The following C1GALT1 variants were observed in gnomAD, a reference collection of about 807,000 sequenced individuals.
C1GALT1 encodes the protein core 1 synthase, glycoprotein-N-acetylgalactosamine 3-beta-galactosyltransferase 1.
C1GALT1 carries 11 observed loss-of-function variants against 31.0 expected under a neutral mutation model. That is an observed-to-expected ratio of 0.36 (90% CI 0.22 to 0.59). The LOEUF (loss-of-function observed/expected upper bound fraction) is 0.59, where lower values mean the gene tolerates loss of function less well. Among genes scored for constraint, C1GALT1 ranks in the 20% least tolerant of loss-of-function variants. The pLI is 0.79. For missense variants in C1GALT1, 424 were observed against 425.2 expected, an observed-to-expected ratio of 1.00 and a Z score of 0.03; for synonymous variants, 175 against 143.6, an observed-to-expected ratio of 1.22 and a Z score of -1.56.
chr7:7,223,968 G>T (rs553620788), intron 1 of C1GALT1, among the ~76,000 whole-genome samples: 1 of 151,938 alleles, frequency 6.6e-6, no homozygotes, highest in Non-Finnish European at 1.5e-5. Flanking sequence ...AGAGTTATTT[G>T]TCCTGAATAT....
chr7:7,205,778 AC>A (rs1427567281), intron 1 of C1GALT1, among the ~76,000 whole-genome samples: 1 of 151,904 alleles, frequency 6.6e-6, no homozygotes, highest in Non-Finnish European at 1.5e-5. Flanking sequence ...TCATGCCTTC[AC>A]TTTCACCCTG....
At chr7:7,168,870 A>G (rs998823856) in intron 2 of C1GALT1, among the ~76,000 whole-genome samples, 1 of 152,234 alleles carries the variant, frequency 6.6e-6, no homozygotes, top group Non-Finnish European at 1.5e-5. Flanking sequence ...TTATGATAAC[A>G]TATACACAAC....
chr7:7,246,014 T>G lies in C1GALT1; in HGVS notation c.*2287T>G, dbSNP rs978487613. On this transcript the variant is annotated 3_prime_UTR_variant, in exon 4 of 4. Coordinates refer to ENST00000436587, the MANE Select transcript of C1GALT1 (RefSeq NM_020156.5). ...GAGCAATAAATAGAAGATTGTATTA[T>G]TATTCTGTTACCTTGGAGTGTAAGT... The G allele has an allele frequency of 2.6e-5, 4 of 152,204 alleles. No individual in the cohort carries two copies. The highest frequency in any genetic ancestry group is 1.3e-4 in the Admixed American group (2 of 15,278). 9.4% of individuals were successfully genotyped at this position (152,204 alleles called of 1,614,324 possible). A position where few individuals can be genotyped will look rare whatever the true frequency, so the allele number is the denominator to read the frequency against.
At chr7:7,189,918 T>C (rs1421656513) in intron 1 of C1GALT1, among the ~76,000 whole-genome samples, 1 of 152,178 alleles carries the variant, frequency 6.6e-6, no homozygotes, top group Non-Finnish European at 1.5e-5. Flanking sequence ...TTCAATACCA[T>C]TTCTTCAATA....
At chr7:7,157,567 C>G (rs1256091632) in intron 2 of C1GALT1, 1 of 152,186 alleles carries the variant, frequency 6.6e-6, no homozygotes, top group African/African-American at 2.4e-5. Context: ...ATGAATCTAT[C>G]AATCAAGGCA....
chr7:7,237,212 T>C (rs1783401784), intron 2 of C1GALT1, among the ~76,000 whole-genome samples: 1 of 152,104 alleles, frequency 6.6e-6, no homozygotes, highest in South Asian at 2.1e-4. Flanking sequence ...GAAATAAAAA[T>C]TGGCCTTTCA....
chr7:7,201,650 A>G (rs1008249199), intron 1 of C1GALT1, among the ~76,000 whole-genome samples: 1 of 152,228 alleles, frequency 6.6e-6, no homozygotes, highest in Non-Finnish European at 1.5e-5. Context: ...CAAAGCCCGA[A>G]AGGCCAGTGC....
chr7:7,161,962 A>T (rs1780337722), intron 2 of C1GALT1, among the ~76,000 whole-genome samples: 1 of 152,120 alleles, frequency 6.6e-6, no homozygotes, highest in South Asian at 2.1e-4. Flanking sequence ...AAATGTGAAC[A>T]GTTCAAAAAC....
chr7:7,185,210 G>A (rs1308439841), intron 1 of C1GALT1, among the ~76,000 whole-genome samples: 3 of 152,172 alleles, frequency 2.0e-5, no homozygotes, highest in African/African-American at 7.2e-5. Flanking sequence ...GTGCTGCCTT[G>A]CACATTGAAG....
intron 1 of C1GALT1, among the ~76,000 whole-genome samples, chr7:7,218,860 G>A (rs1409037665): frequency 2.0e-5 from 3 of 149,176 alleles, no homozygotes; most frequent in African/African-American, 5.0e-5. Flanking sequence ...TTGAGATGGA[G>A]TCTTGCTCTG....
At chr7:7,210,979 A>T (rs1432134642) in intron 1 of C1GALT1, among the ~76,000 whole-genome samples, 1 of 152,140 alleles carries the variant, frequency 6.6e-6, no homozygotes, top group Non-Finnish European at 1.5e-5. Context: ...GCCTGTGGAG[A>T]TGCCACACTA....
chr7:7,229,148 A>G (rs1782943357), intron 1 of C1GALT1, among the ~76,000 whole-genome samples: 1 of 152,230 alleles, frequency 6.6e-6, no homozygotes, highest in Non-Finnish European at 1.5e-5. Flanking sequence ...CATTGTGACT[A>G]CTGCTTTCTT....
intron 1 of C1GALT1, among the ~76,000 whole-genome samples, chr7:7,191,207 T>C (rs971069801): frequency 2.6e-5 from 4 of 152,174 alleles, no homozygotes; most frequent in Non-Finnish European, 4.4e-5. Flanking sequence ...TTCACTACTT[T>C]AAAGTACTTC....
chr7:7,193,997 A>G (rs537109622), intron 1 of C1GALT1, among the ~76,000 whole-genome samples: 14 of 152,134 alleles, frequency 9.2e-5, no homozygotes, highest in African/African-American at 3.1e-4. Context: ...GTGTATAGCA[A>G]TGCCACCGAT....
chr7:7,233,055 T>C lies in C1GALT1; in HGVS notation c.-17-1248T>C, dbSNP rs553101227. Among the ~76,000 whole-genome samples, 22 of 152,310 alleles carry C rather than the reference T, an allele frequency of 1.4e-4. No homozygotes were observed. In the South Asian group the frequency reaches 4.6e-3, roughly 32 times the overall value. The stretch of plus-strand genomic sequence containing the variant: ...ATCTTGAGGAATAGGAAACTAGAGT[T>C]AAGACCAATCTTTTAAGGAATTTAA... On this transcript the variant is annotated intron_variant, in intron 1 of 3. Transcript: ENST00000436587.
chr7:7,192,814 C>T (rs113942280), intron 1 of C1GALT1, among the ~76,000 whole-genome samples: 5,009 of 152,104 alleles, frequency 0.033, 187 homozygotes, highest in African/African-American at 0.091. Flanking sequence ...ATGCCAACAT[C>T]TATTATTTTT....
At chr7:7,242,692 T>TTTCTTGTTCGTTGTA in intron 3 of C1GALT1, among the ~76,000 whole-genome samples, 1 of 152,194 alleles carries the variant, frequency 6.6e-6, no homozygotes, top group Admixed American at 6.5e-5. Flanking sequence ...ATTTTCTTGC[T>TTTCTTGTTCGTTGTA]TTCTTGTTCG....
chr7:7,212,844 A>G (rs1182546057), intron 1 of C1GALT1, among the ~76,000 whole-genome samples: 1 of 152,218 alleles, frequency 6.6e-6, no homozygotes, highest in Admixed American at 6.5e-5. Context: ...GACAGGGAAT[A>G]TCACAAAGTA....
intron 1 of C1GALT1, chr7:7,183,570 A>G (rs1207110246): frequency 1.8e-5 from 18 of 985,070 alleles, no homozygotes; most frequent in South Asian, 9.4e-5. Flanking sequence ...GGTGTTGACA[A>G]GTTGTCCATT....
Sources: allele counts gnomAD v4.1 joint callset (sites outside exome capture counted in the v4.1 genomes callset), GRCh38; gene constraint gnomAD v4.1.1; transcripts MANE v1.5; gene names NCBI Gene and HGNC (gene_info 2026-07-23, HGNC 2026-07-21).